BCOR: variants seen among roughly 807,000 people sequenced by gnomAD.
The protein encoded by BCOR is BCL6 corepressor.
BCOR carries 10 observed loss-of-function variants against 86.7 expected under a neutral mutation model. The observed-to-expected ratio is 0.12, with a 90% CI of 0.07 to 0.20. BCOR has a LOEUF of 0.20. Among genes scored for constraint, BCOR ranks in the 10% least tolerant of loss-of-function variants. The probability of loss-of-function intolerance (pLI) is 1.00; values close to 1 mark genes in which losing one functional copy is unlikely to be tolerated. For missense variants in BCOR, 1,259 were observed against 1,452.1 expected (o/e 0.87, Z 2.16); for synonymous variants, 611 against 609.0 (o/e 1.00, Z -0.05).
chrX:40,063,079 C>CG lies in BCOR; in HGVS notation c.3848-9dup. 1.5e-6 allele frequency: 1 copy of CG among 668,852 alleles called. No homozygotes were observed. The highest frequency in any genetic ancestry group is 1.9e-6 in the Non-Finnish European group (1 of 531,157). The allele number at this position is 668,852 out of a possible 1,213,427, so 55.1% of individuals were successfully genotyped here. A position where few individuals can be genotyped will look rare whatever the true frequency, so the allele number is the denominator to read the frequency against. On this transcript the variant is annotated splice_polypyrimidine_tract_variant and intron_variant, in intron 8 of 14. Transcript: ENST00000378444. ...CGGAGAACACAGGCAAGCCTAAATACGGAGGGGGTGACGGGGTGGCGGGCG... is the reference window on the plus strand; with the variant it reads ...CGGAGAACACAGGCAAGCCTAAATACGGGAGGGGGTGACGGGGTGGCGGGCG...
chrX:40,166,416 C>T (rs1260055369), intron 1 of BCOR, among the ~76,000 whole-genome samples: 2 of 112,224 alleles, frequency 1.8e-5, no homozygotes, highest in Non-Finnish European at 3.8e-5. Flanking sequence ...ATAGGCTGCT[C>T]CTTCTTGTCC....
chrX:40,171,644 G>C (rs773294150), intron 1 of BCOR, among the ~76,000 whole-genome samples: 1 of 113,045 alleles, frequency 8.8e-6, no homozygotes, highest in East Asian at 2.8e-4. Context: ...GGGAGCAGGG[G>C]GTGCCCCGCG....
intron 1 of BCOR, among the ~76,000 whole-genome samples, chrX:40,113,354 C>T (rs191594074): frequency 9.4e-6 from 1 of 106,791 alleles, no homozygotes; most frequent in South Asian, 4.3e-4. Context: ...CTGCAGTGAG[C>T]CATGATTGCA....
intron 1 of BCOR, among the ~76,000 whole-genome samples, chrX:40,079,012 C>T (rs1935951992): frequency 8.9e-6 from 1 of 111,785 alleles, no homozygotes; most frequent in Admixed American, 9.5e-5. Flanking sequence ...CAGCCCATAT[C>T]CTGCTGTTAA....
At chrX:40,081,664 C>T (rs1365085483) in intron 1 of BCOR, among the ~76,000 whole-genome samples, 1 of 112,896 alleles carries the variant, frequency 8.9e-6, no homozygotes, top group Non-Finnish European at 1.9e-5. Context: ...TGTGAAGTCA[C>T]TCATGAAAAG....
At chrX:40,087,188 T>C (rs1383632909) in intron 1 of BCOR, among the ~76,000 whole-genome samples, 1 of 113,285 alleles carries the variant, frequency 8.8e-6, no homozygotes, top group Non-Finnish European at 1.9e-5. Flanking sequence ...GACAGGTCTG[T>C]GCTTTCTGCA....
chrX:40,059,086 T>C (rs373036055), intron 10 of BCOR, among the ~76,000 whole-genome samples: 17 of 111,814 alleles, frequency 1.5e-4, no homozygotes, highest in African/African-American at 5.5e-4. Flanking sequence ...CCTTCATCAC[T>C]ACTAGGGCTG....
chrX:40,085,468 T>C (rs1030965816), intron 1 of BCOR, among the ~76,000 whole-genome samples: 2 of 111,587 alleles, frequency 1.8e-5, no homozygotes, highest in African/African-American at 6.5e-5. Context: ...GACCAATTTA[T>C]AGAACTGGCA....
chrX:40,077,480 T>G, intron 2 of BCOR: 1 of 207,309 alleles, frequency 4.8e-6, no homozygotes, highest in East Asian at 1.3e-4. Flanking sequence ...TCTCTCCCCA[T>G]TTATTACTGA....
intron 6 of BCOR, among the ~76,000 whole-genome samples, chrX:40,067,527 G>A (rs1380647184): frequency 3.6e-5 from 4 of 112,189 alleles, no homozygotes; most frequent in East Asian, 2.8e-4. Context: ...AACTATTATC[G>A]GGAGCCCTCC....
Position 40,073,885 on chromosome X carries a change from T to G in BCOR, c.1461A>C (p.Leu487=), listed in dbSNP as rs767700902. The change falls in exon 4 of 15, where the codon CTA becomes CTC. Residue 487 remains leucine, a synonymous_variant. Transcript: ENST00000378444. ...LSGSEIPKET[L]SPPGNGCAIY... is the part of the protein sequence containing the mutation. ...TAGCACAACCATTTCCTGGAGGAGA[T>G]AGTGTTTCTTTCGGAATCTCACTTC... The G allele has an allele frequency of 1.6e-6, 2 of 1,212,133 alleles. No individual in the cohort carries two copies. Among genetic ancestry groups the G allele is most frequent in the African/African-American group, 1.7e-5 (1 of 57,922 alleles).
intron 1 of BCOR, among the ~76,000 whole-genome samples, chrX:40,176,251 T>A (rs775130048): frequency 6.9e-4 from 77 of 111,904 alleles, no homozygotes; most frequent in African/African-American, 2.5e-3. Flanking sequence ...GCCCGCGTCT[T>A]CCCTCGCCCG....
At chrX:40,089,176 A>G (rs1231589650) in intron 1 of BCOR, among the ~76,000 whole-genome samples, 1 of 111,552 alleles carries the variant, frequency 9.0e-6, no homozygotes, top group Non-Finnish European at 1.9e-5. Flanking sequence ...ATTCAAAGCA[A>G]TTATTCATCC....
chrX:40,056,280 T>TAA (rs1163039780), intron 11 of BCOR, among the ~76,000 whole-genome samples: 18 of 70,514 alleles, frequency 2.6e-4, no homozygotes, highest in African/African-American at 1.2e-3. Flanking sequence ...CTGTCACACA[T>TAA]TAAAAAAAAA....
rs768062948 is a variant in BCOR, at chrX:40,130,034, AAAG to A, written c.-41+46970_-41+46972del. Among the ~76,000 whole-genome samples, 172 of 110,749 alleles carry A rather than the reference AAAG, an allele frequency of 1.6e-3. 13 individuals carry two copies. The highest frequency in any genetic ancestry group is 7.4e-3 in the East Asian group (26 of 3,509). On this transcript the variant is annotated intron_variant, in intron 1 of 14. Transcript: ENST00000342274. The stretch of plus-strand genomic sequence containing the variant: ...GCGAGACTCCATCCAAAAAGAAAAA[AAAG>A]AAGAAGAACAGACTTCACCCGTGCA...
At position 40,075,155 on chromosome X, in the gene BCOR, A is replaced by G; in HGVS notation, c.191T>C (p.Ile64Thr). ...NVVDASTAHR[I>T]DGLAALSMDR... ...CATGCTCAGTGCTGCCAGGCCATCG[A>G]TCCTATGGGCCGTGCTCGCATCCAC... Residue 64 changes from isoleucine to threonine, a missense_variant, in exon 4 of 15, where the codon ATC becomes ACC. By Grantham distance (89) the Ile-to-Thr change is moderately conservative. Around this residue, in one of 7 missense-constraint regions of BCOR, gnomAD observed 174 missense variants for 189.3 expected, o/e 0.92. Coordinates refer to ENST00000378444, the MANE Select transcript of BCOR (RefSeq NM_001123385.2). 8.3e-7 allele frequency: 1 copy of G among 1,209,637 alleles called. No individual in the cohort carries two copies.
chrX:40,105,994 G>A (rs1394729356), intron 1 of BCOR, among the ~76,000 whole-genome samples: 1 of 112,876 alleles, frequency 8.9e-6, no homozygotes, highest in Non-Finnish European at 1.9e-5. Context: ...TCTAGCCTCC[G>A]GCGGGGGACG....
intron 6 of BCOR, among the ~76,000 whole-genome samples, chrX:40,065,759 T>C (rs1935169507): frequency 8.9e-6 from 1 of 111,964 alleles, no homozygotes; most frequent in African/African-American, 3.3e-5. Flanking sequence ...ACCAGGGTTA[T>C]GAGTCTGGTG....
chrX:40,075,041 C>T lies in BCOR; in HGVS notation c.305G>A (p.Arg102Gln), dbSNP rs587778099. Reference protein sequence around the residue: ...SLCGLGSEKGREAATSTLGGL... With the variant: ...SLCGLGSEKGQEAATSTLGGL... The stretch of plus-strand genomic sequence containing the variant: ...ACCTAGAGTGCTTGTGGCAGCCTCC[C>T]GACCTTTCTCTGAGCCCAGTCCACA... The change falls in exon 4 of 15, where the codon CGG becomes CAG. Residue 102 changes from arginine (R) to glutamine (Q), a missense_variant. By Grantham distance (43) the Arg-to-Gln change is conservative (BLOSUM62 1). Coordinates refer to ENST00000378444, the MANE Select transcript of BCOR (RefSeq NM_001123385.2). 20 of 1,202,861 alleles carry T rather than the reference C, an allele frequency of 1.7e-5. No homozygotes were observed. The South Asian group carries it at 2.0e-4, about 12-fold the overall frequency.
Sources: gnomAD v4.1 joint callset for allele counts (sites outside exome capture counted in the v4.1 genomes callset) on GRCh38, gnomAD v4.1.1 for gene constraint, gnomAD v4.1.1 regional missense constraint, MANE v1.5 for transcripts, NCBI Gene and HGNC (gene_info 2026-07-23, HGNC 2026-07-21) for gene names.